The following IQCM variants were observed in gnomAD, a reference collection of about 807,000 sequenced individuals.
The protein encoded by IQCM is IQ motif containing M.
IQCM carries 45 observed loss-of-function variants against 57.6 expected under a neutral mutation model. The ratio of observed to expected loss-of-function variants is 0.78; its 90% CI spans 0.62 to 1.00. The LOEUF is 1.00. IQCM is among the 50% of genes least tolerant of loss of function. The pLI is 0.00. For missense variants in IQCM, 468 were observed against 511.6 expected, an observed-to-expected ratio of 0.91 and a Z score of 0.82; for synonymous variants, 148 against 158.9, an observed-to-expected ratio of 0.93 and a Z score of 0.51.
chr4:149,457,046 T>G (rs1737780490), intron 12 of IQCM, among the ~76,000 whole-genome samples: 1 of 152,132 alleles, frequency 6.6e-6, no homozygotes, highest in Non-Finnish European at 1.5e-5. Flanking sequence ...TCCACAACTC[T>G]AAATGAAGCT....
chr4:149,539,528 G>C (rs1402070103), intron 12 of IQCM, among the ~76,000 whole-genome samples: 2 of 152,080 alleles, frequency 1.3e-5, no homozygotes, highest in Non-Finnish European at 2.9e-5. Context: ...TACAATGGGT[G>C]AATTTTTTAA....
chr4:149,437,561 C>T (rs1001689609), intron 12 of IQCM, among the ~76,000 whole-genome samples: 2 of 151,980 alleles, frequency 1.3e-5, no homozygotes, highest in Non-Finnish European at 2.9e-5. Flanking sequence ...TCAGAGAACT[C>T]AAAGTTCCCC....
At chr4:149,797,749 C>A (rs1561285640) in intron 2 of IQCM, among the ~76,000 whole-genome samples, 1 of 151,460 alleles carries the variant, frequency 6.6e-6, no homozygotes, top group Non-Finnish European at 1.5e-5. Flanking sequence ...CAATGGAAAC[C>A]TGACAGACTA....
At chr4:149,524,245 G>T (rs935490720) in intron 12 of IQCM, among the ~76,000 whole-genome samples, 2 of 152,048 alleles carry the variant, frequency 1.3e-5, no homozygotes, top group African/African-American at 4.8e-5. Context: ...TTATCTCTTG[G>T]AGTGGTGTAC....
intron 2 of IQCM, among the ~76,000 whole-genome samples, chr4:149,770,329 C>T (rs1228479798): frequency 6.6e-6 from 1 of 151,990 alleles, no homozygotes; most frequent in Non-Finnish European, 1.5e-5. Flanking sequence ...AAGCTCCTGG[C>T]CCAGATGGCT....
At chr4:149,466,343 C>T (rs1738857400) in intron 12 of IQCM, among the ~76,000 whole-genome samples, 1 of 152,082 alleles carries the variant, frequency 6.6e-6, no homozygotes, top group South Asian at 2.1e-4. Context: ...ATTAATGGAG[C>T]TTAGTTTTCC....
intron 12 of IQCM, among the ~76,000 whole-genome samples, chr4:149,439,910 A>T (rs1373302032): frequency 6.6e-6 from 1 of 151,646 alleles, no homozygotes; most frequent in African/African-American, 2.4e-5. Context: ...TTAATAAAAA[A>T]ATTTACCTCA....
Position 149,355,416 on chromosome 4 carries a change from C to G in IQCM, c.1391-3350G>C, listed in dbSNP as rs561085303. Among the ~76,000 whole-genome samples the G allele has an allele frequency of 4.9e-3, 667 of 137,192 alleles. 5 individuals carry two copies. The highest frequency in any genetic ancestry group is 0.018 in the African/African-American group (639 of 36,288). The allele number at this position is 137,192 out of a possible 152,430, so 90.0% of individuals were successfully genotyped here. ...CCCTCCCCCCACCCCACAACAGGCCCCAGCGTGTGATGTTCCCCTTCCTGT... is the reference window on the plus strand; with the variant it reads ...CCCTCCCCCCACCCCACAACAGGCCGCAGCGTGTGATGTTCCCCTTCCTGT... On this transcript the variant is annotated intron_variant, in intron 13 of 13. Coordinates refer to ENST00000636793, the MANE Select transcript of IQCM (RefSeq NM_001363507.2).
intron 7 of IQCM, among the ~76,000 whole-genome samples, chr4:149,680,443 A>G (rs72726185): frequency 0.012 from 1,845 of 151,338 alleles, 17 homozygotes; most frequent in Non-Finnish European, 0.02. Context: ...CTAGTATTTT[A>G]TTTTCTCAAT....
intron 13 of IQCM, among the ~76,000 whole-genome samples, chr4:149,402,253 T>C (rs1357470810): frequency 6.6e-6 from 1 of 151,784 alleles, no homozygotes; most frequent in East Asian, 1.9e-4. Context: ...TGTGGGGATC[T>C]AGAAAAATAG....
At chr4:149,487,210 G>C (rs1463917428) in intron 12 of IQCM, among the ~76,000 whole-genome samples, 1 of 152,072 alleles carries the variant, frequency 6.6e-6, no homozygotes, top group Non-Finnish European at 1.5e-5. Context: ...TCCAGGGTGT[G>C]GCTAGAAATG....
chr4:149,465,502 C>A (rs1403096683), intron 12 of IQCM, among the ~76,000 whole-genome samples: 1 of 152,132 alleles, frequency 6.6e-6, no homozygotes, highest in African/African-American at 2.4e-5. Context: ...CCCCAAAGAG[C>A]TTGCTGAGAG....
At chr4:149,593,626 G>A (rs939119734) in intron 8 of IQCM, among the ~76,000 whole-genome samples, 1 of 152,022 alleles carries the variant, frequency 6.6e-6, no homozygotes, top group Non-Finnish European at 1.5e-5. Context: ...TTTGAGATAT[G>A]TCCCATCAAT....
chr4:149,383,302 G>A (rs1388144866), intron 13 of IQCM, among the ~76,000 whole-genome samples: 1 of 152,196 alleles, frequency 6.6e-6, no homozygotes, highest in Admixed American at 6.5e-5. Context: ...GGAAACTTAG[G>A]TAATATCTAG....
At chr4:149,364,302 C>A (rs532972006) in intron 13 of IQCM, among the ~76,000 whole-genome samples, 12 of 152,194 alleles carry the variant, frequency 7.9e-5, no homozygotes, top group Admixed American at 5.9e-4. Context: ...TAGCTCTGGG[C>A]ACTGTCTAGA....
chr4:149,675,588 C>T (rs1341175095), intron 7 of IQCM, among the ~76,000 whole-genome samples: 1 of 151,912 alleles, frequency 6.6e-6, no homozygotes. Flanking sequence ...TGAGGGGTGA[C>T]ATCAGAAAAG....
intron 12 of IQCM, among the ~76,000 whole-genome samples, chr4:149,438,984 A>T (rs1735643586): frequency 6.6e-6 from 1 of 152,074 alleles, no homozygotes; most frequent in Non-Finnish European, 1.5e-5. Flanking sequence ...ATATAAAATG[A>T]GGTTATGAAT....
chr4:149,469,568 A>C (rs1017650841), intron 12 of IQCM, among the ~76,000 whole-genome samples: 5 of 152,204 alleles, frequency 3.3e-5, no homozygotes, highest in Non-Finnish European at 5.9e-5. Context: ...TATCCAGGAG[A>C]ACTTCCCCAA....
At chr4:149,553,540 C>T (rs566471601) in intron 10 of IQCM, among the ~76,000 whole-genome samples, 1 of 152,250 alleles carries the variant, frequency 6.6e-6, no homozygotes, top group African/African-American at 2.4e-5. Context: ...TGGCTTCTTT[C>T]ACAGACACTT....
Sources: gnomAD v4.1 joint callset for allele counts (sites outside exome capture counted in the v4.1 genomes callset) on GRCh38, gnomAD v4.1.1 for gene constraint, MANE v1.5 for transcripts, NCBI Gene and HGNC (gene_info 2026-07-23, HGNC 2026-07-21) for gene names.